Variants in ZNF385D observed in about 807,000 individuals in gnomAD.
ZNF385D encodes zinc finger protein 659.
In ZNF385D, 15 loss-of-function variants were observed where a neutral mutation model predicts 35.8. The observed-to-expected ratio is 0.42, with a 90% CI of 0.28 to 0.64. ZNF385D has a LOEUF of 0.64. Ranked by LOEUF, ZNF385D falls within the 30% of genes least tolerant of loss-of-function variation. The probability of loss-of-function intolerance (pLI) is 0.23; values close to 1 mark genes in which losing one functional copy is unlikely to be tolerated. For synonymous variants in ZNF385D, 212 were observed against 186.8 expected (o/e 1.13, Z -1.10); for missense variants, 474 against 494.6 (o/e 0.96, Z 0.39).
Position 21,894,850 on chromosome 3 carries a change from G to A in ZNF385D, c.326-229822C>T, listed in dbSNP as rs78452308. 1.5e-3 allele frequency among the ~76,000 whole-genome samples: 231 copies of A among 152,194 alleles called. 5 individuals carry two copies. The East Asian group carries it at 0.04, about 26-fold the overall frequency. On this transcript the variant is annotated intron_variant, in intron 3 of 5. Coordinates refer to the ZNF385D transcript ENST00000494108. ...GAAGAAACGTAGAGCTTGACACAAT[G>A]CCAGACACCATGCCAACCTCTGAAG...
In ZNF385D at chr3:21,641,946, G is replaced by A. The variant is rs146523496; in HGVS notation, c.165+22940C>T. 4.6e-5 allele frequency among the ~76,000 whole-genome samples: 7 copies of A among 152,230 alleles called. 1 individual carries two copies. Among genetic ancestry groups the A allele is most frequent in the African/African-American group, 1.7e-4 (7 of 41,554 alleles). ...GCCAGCAGCTGCGCCAATAGAAAAG[G>A]ACTACCTGAAGGCAAGGCATGTCCA... On this transcript the variant is annotated intron_variant, in intron 2 of 7. Transcript: ENST00000281523.
chr3:22,031,861 C>G lies in ZNF385D; in HGVS notation c.325+136956G>C, dbSNP rs562145097. 3.3e-5 allele frequency among the ~76,000 whole-genome samples: 5 copies of G among 152,320 alleles called. No homozygotes were observed. The East Asian group carries it at 7.7e-4, about 23-fold the overall frequency. On this transcript the variant is annotated intron_variant, in intron 3 of 5. Coordinates refer to the ZNF385D transcript ENST00000494108. ...AACATAAGTTCCAATTTCAAACTAT[C>G]TCTTTGTGAACACATATAAATAAAC... is the stretch of plus-strand genomic sequence containing the variant.
In ZNF385D at chr3:22,207,564, G is replaced by A. The variant is rs76088007; in HGVS notation, c.107-38529C>T. On this transcript the variant is annotated intron_variant, in intron 2 of 5. Coordinates refer to the ZNF385D transcript ENST00000494108. ...TCTTGAATAGTACACAGCAAGCATA[G>A]GCATGCAAAGCAAAAATAGACAAAT... is the stretch of plus-strand genomic sequence containing the variant. 1.5e-4 allele frequency among the ~76,000 whole-genome samples: 23 copies of A among 151,924 alleles called. No homozygotes were observed. The East Asian group carries it at 4.3e-3, about 28-fold the overall frequency.
chr3:21,624,715 A>G (rs2065089460), intron 2 of ZNF385D, among the ~76,000 whole-genome samples: 1 of 152,076 alleles, frequency 6.6e-6, no homozygotes, highest in Non-Finnish European at 1.5e-5. Context: ...CAGCATGCAG[A>G]CTTAGTGCCA....
chr3:21,776,289 A>T (rs1442218669), intron 3 of ZNF385D, among the ~76,000 whole-genome samples: 2 of 151,902 alleles, frequency 1.3e-5, no homozygotes, highest in African/African-American at 2.4e-5. Context: ...TTGAAATGTA[A>T]TACTAGGTTA....
At chr3:22,058,276 T>C (rs1445817623) in intron 3 of ZNF385D, among the ~76,000 whole-genome samples, 3 of 152,214 alleles carry the variant, frequency 2.0e-5, no homozygotes, top group South Asian at 2.1e-4. Context: ...TGTTGCTTAA[T>C]TGAAGAATAA....
Position 22,307,746 on chromosome 3 carries a change from T to TAA in ZNF385D, c.106+64702_106+64703dup, listed in dbSNP as rs35316599. Among the ~76,000 whole-genome samples, 480 of 144,608 alleles carry TAA rather than the reference T, an allele frequency of 3.3e-3. 4 individuals carry two copies. Among genetic ancestry groups the TAA allele is most frequent in the African/African-American group, 9.3e-3 (363 of 38,996 alleles). The allele number at this position is 144,608 out of a possible 152,430, so 94.9% of individuals were successfully genotyped here. Reference sequence around the variant, plus strand: ...TACCTAGAATTTATTGCCTCTGTTTTAAAAAAAAAAAAAAAACTTTCTTTC... The same window carrying TAA: ...TACCTAGAATTTATTGCCTCTGTTTTAAAAAAAAAAAAAAAAAACTTTCTTTC... On this transcript the variant is annotated intron_variant, in intron 2 of 5. Transcript: ENST00000494108.
chr3:22,286,911 C>T (rs540552010), intron 2 of ZNF385D, among the ~76,000 whole-genome samples: 2 of 152,098 alleles, frequency 1.3e-5, no homozygotes, highest in African/African-American at 4.8e-5. Context: ...AAGTGTAGTC[C>T]AAGTTCAGTG....
At chr3:22,177,783 C>T (rs539309954) in intron 2 of ZNF385D, among the ~76,000 whole-genome samples, 6 of 152,080 alleles carry the variant, frequency 3.9e-5, no homozygotes, top group African/African-American at 1.2e-4. Flanking sequence ...CCTTCCTGTG[C>T]CCATGTGTTC....
intron 3 of ZNF385D, among the ~76,000 whole-genome samples, chr3:21,822,758 G>A (rs574367520): frequency 6.6e-6 from 1 of 152,046 alleles, no homozygotes; most frequent in East Asian, 1.9e-4. Flanking sequence ...AAGAAATAAA[G>A]TATAATGATA....
intron 2 of ZNF385D, among the ~76,000 whole-genome samples, chr3:22,329,489 A>T (rs1451822354): frequency 6.6e-6 from 1 of 152,176 alleles, no homozygotes; most frequent in African/African-American, 2.4e-5. Context: ...GTTCCTAAGT[A>T]TAGCTTTACT....
intron 3 of ZNF385D, among the ~76,000 whole-genome samples, chr3:21,798,318 G>A (rs1559632095): frequency 6.6e-6 from 1 of 152,186 alleles, no homozygotes; most frequent in Non-Finnish European, 1.5e-5. Flanking sequence ...CTCTCCTGGA[G>A]GCTCAGGACC....
Position 21,414,031 on chromosome 3 carries a change from C to T in ZNF385D, c.*7183G>A, listed in dbSNP as rs1022016672. ...ATACATTGGATAACACTAAATTTTC[C>T]CCGACTGACCACTCTTGGTAGTCGA... On this transcript the variant is annotated 3_prime_UTR_variant, in exon 8 of 8. Transcript: ENST00000281523. 3.9e-5 allele frequency: 6 copies of T among 152,012 alleles called. No individual in the cohort carries two copies. Among genetic ancestry groups the T allele is most frequent in the South Asian group, 2.1e-4 (1 of 4,808 alleles). 9.4% of individuals were successfully genotyped at this position (152,012 alleles called of 1,614,324 possible).
chr3:21,791,371 G>A (rs1438364186), intron 3 of ZNF385D, among the ~76,000 whole-genome samples: 4 of 152,184 alleles, frequency 2.6e-5, no homozygotes, highest in African/African-American at 9.7e-5. Flanking sequence ...TGTGATATTA[G>A]GGGACAAATG....
At position 22,218,409 on chromosome 3, in the gene ZNF385D, A is replaced by T. The variant is rs184532248; in HGVS notation, c.107-49374T>A. Among the ~76,000 whole-genome samples the T allele has an allele frequency of 9.0e-3, 1,365 of 152,114 alleles. 4 individuals are homozygous for T. The highest frequency in any genetic ancestry group is 0.016 in the Non-Finnish European group (1,092 of 67,954). On this transcript the variant is annotated intron_variant, in intron 2 of 5. Transcript: ENST00000494108. Reference sequence around the variant, plus strand: ...CTAACTTTGTATTCTGTAACATCATAAATTATAATAATTTATTTGAAGACC... The same window carrying T: ...CTAACTTTGTATTCTGTAACATCATTAATTATAATAATTTATTTGAAGACC...
chr3:21,731,575 G>C (rs574211978), intron 1 of ZNF385D, among the ~76,000 whole-genome samples: 6 of 152,210 alleles, frequency 3.9e-5, no homozygotes, highest in African/African-American at 1.4e-4. Context: ...ATGTAGGTTT[G>C]GACAAATGTG....
intron 3 of ZNF385D, among the ~76,000 whole-genome samples, chr3:21,932,525 G>C (rs1477341431): frequency 6.6e-6 from 1 of 151,908 alleles, no homozygotes; most frequent in African/African-American, 2.4e-5. Flanking sequence ...TGAGTTTGAT[G>C]TTATAATCCC....
intron 3 of ZNF385D, among the ~76,000 whole-genome samples, chr3:21,771,619 G>C (rs867859027): frequency 2.6e-5 from 4 of 151,738 alleles, no homozygotes; most frequent in Admixed American, 1.3e-4. Flanking sequence ...CAAGAAAGTA[G>C]AATGTGAATA....
chr3:22,357,490 G>C (rs1494216), intron 2 of ZNF385D, among the ~76,000 whole-genome samples: 2 of 151,734 alleles, frequency 1.3e-5, no homozygotes. Context: ...TAAATTCTTG[G>C]AAGCATACAG....
Sources: gnomAD v4.1 joint callset for allele counts (sites outside exome capture counted in the v4.1 genomes callset) on GRCh38, gnomAD v4.1.1 for gene constraint, MANE v1.5 for transcripts, NCBI Gene and HGNC (gene_info 2026-07-23, HGNC 2026-07-21) for gene names.